The following SLC16A14 variants were observed in gnomAD, a reference collection of about 807,000 sequenced individuals.
SLC16A14 encodes the protein solute carrier family 16 member 14, also known as monocarboxylate transporter 14.
In SLC16A14, 14 loss-of-function variants were observed where a neutral mutation model predicts 35.8. The ratio of observed to expected loss-of-function variants is 0.39; its 90% CI spans 0.26 to 0.61. The LOEUF is 0.61. SLC16A14 is among the 20% of genes least tolerant of loss of function. The pLI, the probability that SLC16A14 is intolerant of heterozygous loss-of-function variation, is 0.51. For missense variants in SLC16A14, 533 were observed against 655.0 expected (o/e 0.81, Z 2.03); for synonymous variants, 248 against 258.9 (o/e 0.96, Z 0.40).
chr2:230,047,269 G>A (rs1458139426), intron 3 of SLC16A14, among the ~76,000 whole-genome samples: 1 of 151,058 alleles, frequency 6.6e-6, no homozygotes, highest in Non-Finnish European at 1.5e-5. Context: ...CTATTATAGG[G>A]AAGAGTTTCT....
chr2:230,054,167 G>T (rs2106266680), intron 2 of SLC16A14, among the ~76,000 whole-genome samples: 1 of 152,192 alleles, frequency 6.6e-6, no homozygotes, highest in Middle Eastern at 3.4e-3. Context: ...GATTTAGCAA[G>T]TCATTTATCT....
chr2:230,044,075 T>C (rs1176868909), intron 4 of SLC16A14, among the ~76,000 whole-genome samples: 3 of 152,134 alleles, frequency 2.0e-5, no homozygotes, highest in African/African-American at 4.8e-5. Context: ...TGTGACCTAA[T>C]AGGGCAAAAG....
At chr2:230,050,969 A>G (rs780087549) in intron 2 of SLC16A14, among the ~76,000 whole-genome samples, 2 of 152,192 alleles carry the variant, frequency 1.3e-5, no homozygotes, top group Admixed American at 1.3e-4. Flanking sequence ...AGCTGAAAAG[A>G]GCTAGTTGTC....
chr2:230,063,235 G>A (rs190877394), intron 1 of SLC16A14, among the ~76,000 whole-genome samples: 16 of 146,380 alleles, frequency 1.1e-4, no homozygotes, highest in Admixed American at 7.7e-4. Flanking sequence ...TTGCAGTAGT[G>A]AGGTGAGATC....
At chr2:230,057,310 A>G (rs1490898735) in intron 2 of SLC16A14, among the ~76,000 whole-genome samples, 1 of 152,234 alleles carries the variant, frequency 6.6e-6, no homozygotes, top group Non-Finnish European at 1.5e-5. Context: ...ATTAGCCATC[A>G]TAGCATTATA....
Position 230,046,532 on chromosome 2 carries a change from A to G in SLC16A14, c.594T>C (p.Val198=), listed in dbSNP as rs750530034. 4.3e-6 allele frequency: 7 copies of G among 1,614,210 alleles called. No individual in the cohort carries two copies. In the Admixed American group the frequency reaches 1.2e-4, roughly 27 times the overall value. Residue 198 remains valine, a synonymous_variant, in exon 4 of 5, where the codon GTT becomes GTC. Coordinates refer to ENST00000295190, the MANE Select transcript of SLC16A14 (RefSeq NM_152527.5). The surrounding 1 kb of genome is among the most constrained non-coding windows in gnomAD (Gnocchi z 5.0). ...CCCCACAAACACACAGGTTTAGGGA[A>G]ACGGCACCTTGGATCAACATGGCAT... is the stretch of plus-strand genomic sequence containing the variant. The part of the protein sequence containing the change: ...WRNAMLIQGA[V]SLNLCVCGAL...
chr2:230,059,261 C>A lies in SLC16A14; in HGVS notation c.92G>T (p.Gly31Val). ...GGAGAGCACCATCATCCAAGCCCAT[C>A]CGCCATCAATGTTTGGGTGGGGCTT... ...TLKPHPNIDG[G>V]WAWMMVLSSF... Residue 31 changes from glycine to valine, a missense_variant, in exon 2 of 5, where the codon GGA becomes GTA. Physicochemically the swap from Gly to Val is moderately radical, Grantham distance 109. Transcript: ENST00000295190. The A allele has an allele frequency of 6.2e-7, 1 of 1,614,136 alleles. No homozygotes were observed. The highest frequency in any genetic ancestry group is 8.5e-7 in the Non-Finnish European group (1 of 1,179,964).
intron 2 of SLC16A14, among the ~76,000 whole-genome samples, chr2:230,057,434 A>G (rs1271472004): frequency 6.6e-6 from 1 of 152,152 alleles, no homozygotes; most frequent in African/African-American, 2.4e-5. Flanking sequence ...TATATTCAGG[A>G]AAACTTGAAT....
intron 4 of SLC16A14, among the ~76,000 whole-genome samples, chr2:230,039,244 G>A (rs2077540900): frequency 1.3e-5 from 2 of 151,088 alleles, no homozygotes; most frequent in African/African-American, 2.4e-5. Context: ...AAAACAACTC[G>A]TTAAAAGGTA....
At chr2:230,067,241 G>GT (rs1309883502) in intron 1 of SLC16A14, 6 of 153,446 alleles carry the variant, frequency 3.9e-5, no homozygotes, top group African/African-American at 1.4e-4. Flanking sequence ...AGCTGAGCTG[G>GT]TGCAGACAGC....
In SLC16A14 at chr2:230,045,893, G is replaced by T. The variant is rs764113401; in HGVS notation, c.1233C>A (p.Ile411=). 6.2e-7 allele frequency: 1 copy of T among 1,612,886 alleles called. No homozygotes were observed. The change falls in exon 4 of 5, where the codon ATC becomes ATA. Residue 411 remains isoleucine (I), a synonymous_variant. Coordinates refer to ENST00000295190, the MANE Select transcript of SLC16A14 (RefSeq NM_152527.5). ...CACTGGAAAACCCTATCAGCGCACA[G>T]ATGACCGCCAGGCCAGCGTACGTGT... ...LMHTYAGLAV[I]CALIGFSSGY...
intron 1 of SLC16A14, among the ~76,000 whole-genome samples, chr2:230,060,144 C>T (rs1292762129): frequency 6.6e-6 from 1 of 152,132 alleles, no homozygotes; most frequent in Non-Finnish European, 1.5e-5. Flanking sequence ...ACATACAGGT[C>T]ACCAGGTGAG....
At chr2:230,048,276 A>G (rs1436944422) in intron 3 of SLC16A14, among the ~76,000 whole-genome samples, 4 of 152,258 alleles carry the variant, frequency 2.6e-5, no homozygotes, top group Non-Finnish European at 5.9e-5. Flanking sequence ...AAAGTCACAC[A>G]GGTAATAATA....
In SLC16A14 at chr2:230,049,644, G is replaced by GC. The variant is rs374586897; in HGVS notation, c.403+116_403+117insG. 91 of 1,063,112 alleles carry GC rather than the reference G, an allele frequency of 8.6e-5. 35 individuals are homozygous for GC. The highest frequency in any genetic ancestry group is 1.9e-4 in the Admixed American group (8 of 42,436). 65.9% of individuals were successfully genotyped at this position (1,063,112 alleles called of 1,614,324 possible). A position where few individuals can be genotyped will look rare whatever the true frequency, so the allele number is the denominator to read the frequency against. ...TGTAGGGAGGGGTTGGGGTGAAGTG[G>GC]GGGGGAGGAAACAGAACAGAATGTT... On this transcript the variant is annotated intron_variant, in intron 3 of 4. Transcript: ENST00000295190.
intron 4 of SLC16A14, among the ~76,000 whole-genome samples, chr2:230,044,861 G>A (rs2077590909): frequency 6.6e-6 from 1 of 151,912 alleles, no homozygotes; most frequent in South Asian, 2.1e-4. Flanking sequence ...TTACAGGTGT[G>A]AGCTACCACT....
In SLC16A14 at chr2:230,037,549, A is replaced by C; in HGVS notation, c.1382-18T>G. 1 of 1,584,456 alleles carries C rather than the reference A, an allele frequency of 6.3e-7. No individual in the cohort carries two copies. The highest frequency in any genetic ancestry group is 8.6e-7 in the Non-Finnish European group (1 of 1,168,680). On this transcript the variant is annotated intron_variant, in intron 4 of 4. Transcript: ENST00000295190. Reference sequence around the variant, plus strand: ...GATCCACCCTACAAAACAAAAAAGAATATATTCAGTGTCATGGAGTTGATA... The same window carrying C: ...GATCCACCCTACAAAACAAAAAAGACTATATTCAGTGTCATGGAGTTGATA...
chr2:230,045,934 TA>T lies in SLC16A14; in HGVS notation c.1191del (p.Phe397LeufsTer5). On this transcript the variant is annotated frameshift_variant, in exon 4 of 5. Coordinates refer to ENST00000295190, the MANE Select transcript of SLC16A14 (RefSeq NM_152527.5). LOFTEE classifies it high-confidence loss of function. The part of the protein sequence containing the change: ...LANFTLVLSI[F>X]ILPLMHTYAG... ...GCGTACGTGTGCATCAACGGCAGAA[TA>T]AAAATACTGAGGACAAGGGTGAAGT... 1 of 1,612,442 alleles carries T rather than the reference TA, an allele frequency of 6.2e-7. No homozygotes were observed. The highest frequency in any genetic ancestry group is 8.5e-7 in the Non-Finnish European group (1 of 1,178,550).
At chr2:230,039,725 C>T in intron 4 of SLC16A14, among the ~76,000 whole-genome samples, 1 of 152,088 alleles carries the variant, frequency 6.6e-6, no homozygotes, top group Middle Eastern at 3.2e-3. Context: ...TGGCTAAATC[C>T]CCGCTGTCCA....
intron 1 of SLC16A14, among the ~76,000 whole-genome samples, chr2:230,067,571 T>TCTCTCA (rs1269765776): frequency 1.0e-4 from 15 of 143,826 alleles, no homozygotes; most frequent in African/African-American, 3.6e-4. Context: ...TCTCTCTCTC[T>TCTCTCA]CACACACACA....
Sources: allele counts gnomAD v4.1 joint callset (sites outside exome capture counted in the v4.1 genomes callset), GRCh38; gene constraint gnomAD v4.1.1; non-coding constraint Gnocchi (gnomAD v3.1); transcripts MANE v1.5; gene names NCBI Gene and HGNC (gene_info 2026-07-23, HGNC 2026-07-21).